PCID2: variants seen among roughly 807,000 people sequenced by gnomAD.
PCID2 encodes the protein PCI domain-containing protein 2.
PCID2 carries 41 observed loss-of-function variants against 61.3 expected under a neutral mutation model. That is an observed-to-expected ratio of 0.67 (90% confidence interval 0.52 to 0.87). The LOEUF (loss-of-function observed/expected upper bound fraction) is 0.87. PCID2 is among the 40% of genes least tolerant of loss of function. The probability of loss-of-function intolerance (pLI) is 0.00; values close to 1 mark genes in which losing one functional copy is unlikely to be tolerated. For missense variants in PCID2, 392 were observed against 493.4 expected (o/e 0.79, Z 1.95); for synonymous variants, 187 against 177.8 (o/e 1.05, Z -0.41).
chr13:113,172,214 C>T, the PCID2 span: 5 of 1,456,920 alleles, frequency 3.4e-6, no homozygotes, highest in Admixed American at 5.8e-5. Context: ...GAGGCCGTCA[C>T]AGCCCCAGAC....
chr13:113,206,925 G>A (rs529446869), intron 1 of PCID2, among the ~76,000 whole-genome samples: 4 of 152,292 alleles, frequency 2.6e-5, no homozygotes, highest in East Asian at 1.9e-4. Flanking sequence ...ATGTGACTAC[G>A]AAGGAGTCTC....
At chr13:113,173,581 C>G (rs2037149054), downstream of PCID2, among the ~76,000 whole-genome samples, 1 of 152,222 alleles carries the variant, frequency 6.6e-6, no homozygotes, top group Admixed American at 6.5e-5. Flanking sequence ...AGCACACTCT[C>G]TTTCATTTAC....
At chr13:113,188,160 G>A (rs540496473) in intron 7 of PCID2, 2 of 152,266 alleles carry the variant, frequency 1.3e-5, no homozygotes, top group African/African-American at 2.4e-5. Flanking sequence ...CTTTAGAGAA[G>A]GCGGAAACCT....
intron 6 of PCID2, 21 bp from the exon 7 acceptor site, chr13:113,190,996 T>C: frequency 2.6e-6 from 4 of 1,554,570 alleles, no homozygotes; most frequent in Non-Finnish European, 3.5e-6. Context: ...ATAAGAACTT[T>C]TATTTCATTT....
intron 13 of PCID2, chr13:113,178,568 TA>T: frequency 2.5e-6 from 1 of 405,134 alleles, no homozygotes; most frequent in South Asian, 2.2e-5. Context: ...CGTGATTCCC[TA>T]AACAATACAG....
At chr13:113,181,614 C>T (rs1298838197) in intron 9 of PCID2, among the ~76,000 whole-genome samples, 1 of 152,194 alleles carries the variant, frequency 6.6e-6, no homozygotes, top group African/African-American at 2.4e-5. Flanking sequence ...CTCCACAATA[C>T]ATTTTAATCA....
In PCID2 at chr13:113,197,161, T is replaced by G. The variant is rs2039078471; in HGVS notation, c.266+17A>C. On this transcript the variant is annotated intron_variant, in intron 4 of 13. Coordinates refer to ENST00000337344, the MANE Select transcript of PCID2 (RefSeq NM_001127202.4). ...TGTGTTCTATGCGGGACAGCTGCCATGAACGACAAAGGATATTGGACTATC... is the reference window on the plus strand; with the variant it reads ...TGTGTTCTATGCGGGACAGCTGCCAGGAACGACAAAGGATATTGGACTATC... 1.2e-6 allele frequency: 2 copies of G among 1,614,080 alleles called. No individual in the cohort carries two copies. Among genetic ancestry groups the G allele is most frequent in the Admixed American group, 1.7e-5 (1 of 60,006 alleles).
the PCID2 span, chr13:113,172,178 G>A: frequency 6.4e-7 from 1 of 1,570,664 alleles, no homozygotes; most frequent in Non-Finnish European, 8.7e-7. Flanking sequence ...CACTGTGGAG[G>A]GCGCTGAAAC....
At position 113,208,297 on chromosome 13, in the gene PCID2, G is replaced by A. The variant is rs1355802918; in HGVS notation, c.36+302C>T. On this transcript the variant is annotated intron_variant, in intron 1 of 13. Coordinates refer to ENST00000337344, the MANE Select transcript of PCID2 (RefSeq NM_001127202.4). ...GCCCTTCGGACCGCCTGGGAGCGCG[G>A]CCACACGTGCCAGCAAGTGAGGGCA... 16 of 1,431,354 alleles carry A rather than the reference G, an allele frequency of 1.1e-5. 1 individual carries two copies. Among genetic ancestry groups the A allele is most frequent in the African/African-American group, 1.0e-4 (7 of 69,660 alleles). The allele number at this position is 1,431,354 out of a possible 1,614,324, so 88.7% of individuals were successfully genotyped here.
intron 7 of PCID2, among the ~76,000 whole-genome samples, chr13:113,189,412 A>C (rs1750894225): frequency 6.6e-6 from 1 of 151,700 alleles, no homozygotes; most frequent in Admixed American, 6.6e-5. Flanking sequence ...CTTTTCTTAC[A>C]TTCCCCAGCC....
chr13:113,197,200 T>G lies in PCID2; in HGVS notation c.244A>C (p.Lys82Gln). Residue 82 changes from lysine (K) to glutamine (Q), a missense_variant, in exon 4 of 14, where the codon AAG becomes CAG. Physicochemically the swap from Lys to Gln is moderately conservative, Grantham distance 53 (BLOSUM62 1). Around this residue, in one of 3 missense-constraint regions of PCID2, gnomAD observed 155 missense variants for 164.9 expected, o/e 0.94. Coordinates refer to ENST00000337344, the MANE Select transcript of PCID2 (RefSeq NM_001127202.4). The part of the protein sequence containing the change: ...VGNHDFIEAY[K>Q]CQTVIVQSFL... ...TATTGGACTATCACGGTCTGGCACT[T>G]GTATGCCTCTATGAAGTCATGATTC... 1.2e-6 allele frequency: 2 copies of G among 1,614,130 alleles called. No homozygotes were observed. The highest frequency in any genetic ancestry group is 2.2e-5 in the South Asian group (2 of 91,080).
intron 9 of PCID2, chr13:113,183,642 A>G: frequency 2.9e-6 from 1 of 349,946 alleles, no homozygotes. Flanking sequence ...TGCTTCATGT[A>G]CTTGGGACTG....
At position 113,179,114 on chromosome 13, in the gene PCID2, C is replaced by G; in HGVS notation, c.987-25G>C. Reference sequence around the variant, plus strand: ...CCTGGAAGAGGGGAGGAGAAGGGCACTGTGGTTACCGACAGGATGCAATAC... The same window carrying G: ...CCTGGAAGAGGGGAGGAGAAGGGCAGTGTGGTTACCGACAGGATGCAATAC... On this transcript the variant is annotated intron_variant, in intron 12 of 13. Coordinates refer to ENST00000337344, the MANE Select transcript of PCID2 (RefSeq NM_001127202.4). This position sits in a 1 kb window ranked among gnomAD's most constrained non-coding sequence, Gnocchi z 4.3. 6.2e-7 allele frequency: 1 copy of G among 1,607,294 alleles called. No homozygotes were observed. Among genetic ancestry groups the G allele is most frequent in the Non-Finnish European group, 8.5e-7 (1 of 1,176,458 alleles).
At position 113,181,245 on chromosome 13, in the gene PCID2, G is replaced by C. The variant is rs2037608570; in HGVS notation, c.686-15C>G. 1.9e-6 allele frequency: 3 copies of C among 1,560,494 alleles called. No individual in the cohort carries two copies. Among genetic ancestry groups the C allele is most frequent in the Non-Finnish European group, 1.8e-6 (2 of 1,131,674 alleles). ...GTACTCCTCAGCTGCAAAGAAGGCAGAGCCAGCACGCATGAGACCAACGCA... is the reference window on the plus strand; with the variant it reads ...GTACTCCTCAGCTGCAAAGAAGGCACAGCCAGCACGCATGAGACCAACGCA... On this transcript the variant is annotated splice_polypyrimidine_tract_variant and intron_variant, in intron 9 of 13. Coordinates refer to ENST00000337344, the MANE Select transcript of PCID2 (RefSeq NM_001127202.4).
chr13:113,200,738 C>T (rs1437750886), intron 1 of PCID2: 6 of 334,606 alleles, frequency 1.8e-5, no homozygotes, highest in African/African-American at 8.3e-5. Flanking sequence ...CTCGCTCTGT[C>T]GCCCAGGTCG....
At chr13:113,186,033 CAAA>C (rs869136465) in intron 7 of PCID2, 2 of 14,810 alleles carry the variant, frequency 1.4e-4, no homozygotes, top group Non-Finnish European at 6.8e-4. Context: ...AAAACAAAAA[CAAA>C]AAAAGAAAAG....
intron 7 of PCID2, chr13:113,190,633 G>A: frequency 2.8e-6 from 1 of 353,628 alleles, no homozygotes; most frequent in Middle Eastern, 7.3e-4. Flanking sequence ...ACTGGTTCCT[G>A]CAGAGAGGAG....
chr13:113,180,753 A>G (rs2037557921), intron 10 of PCID2, among the ~76,000 whole-genome samples: 1 of 152,266 alleles, frequency 6.6e-6, no homozygotes, highest in Non-Finnish European at 1.5e-5. Flanking sequence ...TTTAGTAACT[A>G]AATGAAATAC....
intron 1 of PCID2, among the ~76,000 whole-genome samples, chr13:113,207,258 C>T (rs1341093908): frequency 2.6e-5 from 4 of 152,080 alleles, no homozygotes; most frequent in Non-Finnish European, 5.9e-5. Flanking sequence ...AATATGAATG[C>T]AAAAGGAAAC....
Sources: gnomAD v4.1 joint callset for allele counts (sites outside exome capture counted in the v4.1 genomes callset) on GRCh38, gnomAD v4.1.1 for gene constraint, gnomAD v4.1.1 regional missense constraint, Gnocchi (gnomAD v3.1) non-coding constraint, MANE v1.5 for transcripts, NCBI Gene and HGNC (gene_info 2026-07-23, HGNC 2026-07-21) for gene names.